ARIH2: variants seen among roughly 807,000 people sequenced by gnomAD.
The protein encoded by ARIH2 is ariadne RBR E3 ubiquitin protein ligase 2.
Under a neutral mutation model 79.8 loss-of-function variants are expected in ARIH2, and 12 were observed. The observed-to-expected ratio is 0.15, with a 90% CI of 0.10 to 0.24. ARIH2 has a LOEUF of 0.24. Ranked by LOEUF, ARIH2 falls within the 10% of genes least tolerant of loss-of-function variation. The probability of loss-of-function intolerance (pLI) is 1.00; values close to 1 mark genes in which losing one functional copy is unlikely to be tolerated. For missense variants in ARIH2, 301 were observed against 618.3 expected, an observed-to-expected ratio of 0.49 and a Z score of 5.44; for synonymous variants, 224 against 213.9, an observed-to-expected ratio of 1.05 and a Z score of -0.41.
chr3:48,919,275 C>T, intron 1 of ARIH2: 1 of 1,125,102 alleles, frequency 8.9e-7, no homozygotes, highest in Non-Finnish European at 1.1e-6. Flanking sequence ...TCTAGGCCCT[C>T]TCTCCCTGTC....
intron 3 of ARIH2, among the ~76,000 whole-genome samples, chr3:48,949,640 T>A (rs923893142): frequency 6.6e-6 from 1 of 152,252 alleles, no homozygotes; most frequent in Non-Finnish European, 1.5e-5. Context: ...TTCCTTGTGC[T>A]TATTTGCTAT....
intron 11 of ARIH2, among the ~76,000 whole-genome samples, chr3:48,978,254 G>A: frequency 6.7e-6 from 1 of 149,982 alleles, no homozygotes; most frequent in Non-Finnish European, 1.5e-5. Flanking sequence ...AACATATAGG[G>A]GATTTTTTTT....
chr3:48,941,077 C>T (rs1007887048), intron 3 of ARIH2, among the ~76,000 whole-genome samples: 1 of 150,670 alleles, frequency 6.6e-6, no homozygotes, highest in Non-Finnish European at 1.5e-5. Context: ...GAGGCTGAAG[C>T]AGGAGAATGG....
At chr3:48,948,588 C>T (rs1389246858) in intron 3 of ARIH2, among the ~76,000 whole-genome samples, 4 of 152,144 alleles carry the variant, frequency 2.6e-5, no homozygotes, top group East Asian at 1.9e-4. Flanking sequence ...CGCGCCCGGC[C>T]GAACTCATCC....
intron 3 of ARIH2, among the ~76,000 whole-genome samples, chr3:48,947,085 C>G (rs955201197): frequency 6.6e-6 from 1 of 152,016 alleles, no homozygotes; most frequent in Non-Finnish European, 1.5e-5. Flanking sequence ...TGGTAAGGAG[C>G]TGGCTGAATG....
At chr3:48,946,717 A>G (rs2107319995) in intron 3 of ARIH2, among the ~76,000 whole-genome samples, 1 of 152,148 alleles carries the variant, frequency 6.6e-6, no homozygotes, top group South Asian at 2.1e-4. Flanking sequence ...CAAGCTGGAA[A>G]GAAAGCTCCC....
intron 3 of ARIH2, among the ~76,000 whole-genome samples, chr3:48,954,401 C>T (rs1275837317): frequency 6.6e-6 from 1 of 151,626 alleles, no homozygotes; most frequent in African/African-American, 2.4e-5. Context: ...CGCACTACTG[C>T]ACTCCAGTCG....
chr3:48,970,863 C>A, intron 8 of ARIH2, 159 bp downstream of exon 8: 1 of 570,494 alleles, frequency 1.8e-6, no homozygotes, highest in Non-Finnish European at 3.2e-6. Context: ...TCCAGCATCT[C>A]ATATTCCACT....
At position 48,978,339 on chromosome 3, in the gene ARIH2, G is replaced by A. The variant is rs568829808; in HGVS notation, c.962-1143G>A. Among the ~76,000 whole-genome samples, 11 of 144,170 alleles carry A rather than the reference G, an allele frequency of 7.6e-5. No individual in the cohort carries two copies. In the East Asian group the frequency reaches 1.8e-3, roughly 24 times the overall value. 94.6% of individuals were successfully genotyped at this position (144,170 alleles called of 152,430 possible). A position where few individuals can be genotyped will look rare whatever the true frequency, so the allele number is the denominator to read the frequency against. On this transcript the variant is annotated intron_variant, in intron 11 of 15. Coordinates refer to ENST00000356401, the MANE Select transcript of ARIH2 (RefSeq NM_006321.4). ...GGTGTAATCTCGGCTCACAACCTCC[G>A]CCCTACAGGTTCAACCAGTTCTCGT...
chr3:48,982,824 C>G (rs898843237), intron 14 of ARIH2, 72 bp from the exon 15 acceptor site: 1 of 1,112,734 alleles, frequency 9.0e-7, no homozygotes, highest in African/African-American at 1.5e-5. Context: ...CTGCATGTGC[C>G]CACCCCCGTG....
chr3:48,986,238 T>C lies in ARIH2; in HGVS notation c.*2968T>C, dbSNP rs1389592774. 1 of 152,234 alleles carries C rather than the reference T, an allele frequency of 6.6e-6. No individual in the cohort carries two copies. The highest frequency in any genetic ancestry group is 1.5e-5 in the Non-Finnish European group (1 of 68,048). 9.4% of individuals were successfully genotyped at this position (152,234 alleles called of 1,614,324 possible). On this transcript the variant is annotated 3_prime_UTR_variant, in exon 16 of 16. Transcript: ENST00000356401. ...TGTGCCAAGCCCCACGCTTGGCACC[T>C]GGGCATACAGTGGTATGCAAGTGAT... is the stretch of plus-strand genomic sequence containing the variant.
intron 3 of ARIH2, among the ~76,000 whole-genome samples, chr3:48,959,857 T>C (rs1001246959): frequency 1.3e-5 from 2 of 152,196 alleles, no homozygotes; most frequent in Non-Finnish European, 2.9e-5. Context: ...CATTATATGC[T>C]GGGATGTGCC....
At chr3:48,977,369 G>C (rs1039475308) in intron 11 of ARIH2, among the ~76,000 whole-genome samples, 1 of 151,724 alleles carries the variant, frequency 6.6e-6, no homozygotes, top group Non-Finnish European at 1.5e-5. Context: ...GCAGTGGTGC[G>C]ATCTCGGCTC....
At chr3:48,926,502 T>G (rs1184772957) in intron 2 of ARIH2, among the ~76,000 whole-genome samples, 1 of 151,736 alleles carries the variant, frequency 6.6e-6, no homozygotes, top group South Asian at 2.1e-4. Context: ...ACTCCTGACC[T>G]CAGGTGACCC....
intron 3 of ARIH2, among the ~76,000 whole-genome samples, chr3:48,931,999 ACT>A (rs1250699709): frequency 4.6e-5 from 7 of 152,058 alleles, no homozygotes; most frequent in South Asian, 2.1e-4. Flanking sequence ...ACAGAGCAAG[ACT>A]CTGTCTAAAA....
intron 13 of ARIH2, 82 bp from the exon 14 acceptor site, chr3:48,981,578 G>C: frequency 3.5e-6 from 4 of 1,153,024 alleles, no homozygotes; most frequent in Non-Finnish European, 5.2e-6. Flanking sequence ...TGCATGTTGA[G>C]GGTAGGAATT....
intron 11 of ARIH2, among the ~76,000 whole-genome samples, chr3:48,975,929 G>C (rs1428229384): frequency 6.7e-6 from 1 of 149,812 alleles, no homozygotes; most frequent in Admixed American, 6.7e-5. Context: ...TTTATTTTTT[G>C]AGACAGAGTC....
At chr3:48,919,213 A>G (rs922279176) in intron 1 of ARIH2, 5 of 1,271,114 alleles carry the variant, frequency 3.9e-6, no homozygotes, top group Non-Finnish European at 9.9e-7. Context: ...CCGCCTTCTC[A>G]GCTCTCGGAA....
chr3:48,931,963 C>G (rs1257156476), intron 3 of ARIH2, among the ~76,000 whole-genome samples: 2 of 152,106 alleles, frequency 1.3e-5, no homozygotes, highest in East Asian at 3.9e-4. Context: ...GAGCTGAGAT[C>G]GTGTCACTGT....
Sources: gnomAD v4.1 joint callset for allele counts (sites outside exome capture counted in the v4.1 genomes callset) on GRCh38, gnomAD v4.1.1 for gene constraint, MANE v1.5 for transcripts, NCBI Gene and HGNC (gene_info 2026-07-23, HGNC 2026-07-21) for gene names.